Variants in GRAMD2B observed in about 807,000 individuals in gnomAD.
The protein encoded by GRAMD2B is GRAM domain containing 2B.
Under a neutral mutation model 59.2 loss-of-function variants are expected in GRAMD2B, and 41 were observed. That is an observed-to-expected ratio of 0.69 (90% CI 0.54 to 0.90). The LOEUF (loss-of-function observed/expected upper bound fraction) is 0.90. Among genes scored for constraint, GRAMD2B ranks in the 40% least tolerant of loss-of-function variants. GRAMD2B has a pLI of 0.00. For missense variants in GRAMD2B, 424 were observed against 500.5 expected, an observed-to-expected ratio of 0.85 and a Z score of 1.46; for synonymous variants, 161 against 182.7, an observed-to-expected ratio of 0.88 and a Z score of 0.96.
chr5:126,360,864 A>G (rs1754188214), intron 1 of GRAMD2B, among the ~76,000 whole-genome samples: 1 of 152,144 alleles, frequency 6.6e-6, no homozygotes, highest in Non-Finnish European at 1.5e-5. Flanking sequence ...CAGCTCAGGA[A>G]AACTAGGATT....
At position 126,423,449 on chromosome 5, in the gene GRAMD2B, G is replaced by T; in HGVS notation, c.-158G>T. On this transcript the variant is annotated 5_prime_UTR_variant, in exon 1 of 14. Transcript: ENST00000285689. ...GACGTGTCCAGGTCCGCGGCCCCGG[G>T]AGCTTGGCGCGGCCCGGCCTGGATG... 7.0e-7 allele frequency: 1 copy of T among 1,418,760 alleles called. No individual in the cohort carries two copies. The allele number at this position is 1,418,760 out of a possible 1,614,324, so 87.9% of individuals were successfully genotyped here. A position where few individuals can be genotyped will look rare whatever the true frequency, so the allele number is the denominator to read the frequency against.
At chr5:126,474,466 G>T (rs999137965) in intron 5 of GRAMD2B, among the ~76,000 whole-genome samples, 1 of 152,084 alleles carries the variant, frequency 6.6e-6, no homozygotes, top group Admixed American at 6.5e-5. Context: ...AGCATTATTT[G>T]ATCGACAGTA....
At chr5:126,445,469 T>C (rs945479486) in intron 1 of GRAMD2B, 2 of 152,174 alleles carry the variant, frequency 1.3e-5, no homozygotes, top group Non-Finnish European at 2.9e-5. Flanking sequence ...TTTTTTCATA[T>C]GAAAAATCCA....
intron 1 of GRAMD2B, among the ~76,000 whole-genome samples, chr5:126,414,473 T>C (rs990002340): frequency 2.0e-5 from 3 of 152,182 alleles, no homozygotes; most frequent in African/African-American, 7.2e-5. Context: ...TTCTCGTATG[T>C]TGTTGAGGCA....
At chr5:126,419,447 A>G (rs556151635), upstream of GRAMD2B, among the ~76,000 whole-genome samples, 223 of 152,268 alleles carry the variant, frequency 1.5e-3, 1 homozygote, top group Non-Finnish European at 2.4e-3. Flanking sequence ...AGAAACCACC[A>G]CTATGATCCA....
chr5:126,392,958 A>G (rs1166411114), intron 1 of GRAMD2B, among the ~76,000 whole-genome samples: 3 of 152,252 alleles, frequency 2.0e-5, no homozygotes, highest in Non-Finnish European at 4.4e-5. Flanking sequence ...TCTTTCTTAC[A>G]GAACAATAAA....
At chr5:126,409,151 T>C (rs1251078595) in intron 1 of GRAMD2B, among the ~76,000 whole-genome samples, 8 of 152,040 alleles carry the variant, frequency 5.3e-5, no homozygotes, top group Non-Finnish European at 2.9e-5. Flanking sequence ...AATAAACACG[T>C]GTGCATGTGT....
chr5:126,488,655 G>A (rs1773396854), intron 12 of GRAMD2B, 144 bp from the exon 13 acceptor site: 2 of 543,504 alleles, frequency 3.7e-6, no homozygotes, highest in Non-Finnish European at 6.6e-6. Flanking sequence ...GATTACTGCA[G>A]GGCTTTGTCT....
At chr5:126,365,897 A>G (rs1489863186) in intron 1 of GRAMD2B, among the ~76,000 whole-genome samples, 1 of 152,228 alleles carries the variant, frequency 6.6e-6, no homozygotes, top group Non-Finnish European at 1.5e-5. Context: ...TAGAATAGGA[A>G]CTTGGGTTTT....
chr5:126,469,632 C>CA (rs751283018), intron 2 of GRAMD2B, 45 bp from the exon 3 acceptor site: 463 of 1,264,258 alleles, frequency 3.7e-4, no homozygotes, highest in Non-Finnish European at 4.4e-4. Flanking sequence ...AAAACTGTCT[C>CA]AAAAAAAAAT....
Position 126,483,573 on chromosome 5 carries a change from A to G in GRAMD2B, c.846A>G (p.Arg282=). The G allele has an allele frequency of 6.4e-7, 1 of 1,570,862 alleles. No individual in the cohort carries two copies. Among genetic ancestry groups the G allele is most frequent in the South Asian group, 1.1e-5 (1 of 89,778 alleles). Residue 282 remains arginine (R), a splice_region_variant and synonymous_variant, in exon 9 of 14, where the codon CGA becomes CGG. Transcript: ENST00000285689. ...GSQTPESENS[R]DFHATESQTV... is the part of the protein sequence containing the mutation. Reference sequence around the variant, plus strand: ...AAACTCCTGAATCTGAGAACTCTCGAGGTTTGGGAAATTGTTGTATTTTGA... The same window carrying G: ...AAACTCCTGAATCTGAGAACTCTCGGGGTTTGGGAAATTGTTGTATTTTGA...
intron 1 of GRAMD2B, among the ~76,000 whole-genome samples, chr5:126,412,517 T>A (rs1758894280): frequency 6.6e-6 from 1 of 152,172 alleles, no homozygotes; most frequent in Admixed American, 6.6e-5. Flanking sequence ...TTGCTAGTAT[T>A]GTCTTAAAAA....
intron 1 of GRAMD2B, among the ~76,000 whole-genome samples, chr5:126,457,019 C>T (rs966817554): frequency 2.6e-5 from 4 of 151,194 alleles, no homozygotes; most frequent in Non-Finnish European, 5.9e-5. Context: ...GGTGAAACCC[C>T]GTCTCTACTA....
intron 2 of GRAMD2B, among the ~76,000 whole-genome samples, chr5:126,468,549 G>T (rs1167460446): frequency 2.0e-5 from 3 of 151,964 alleles, no homozygotes; most frequent in Non-Finnish European, 2.9e-5. Flanking sequence ...GTGCAATGGT[G>T]CAATATCAGC....
At chr5:126,457,159 T>C (rs1766435230) in intron 1 of GRAMD2B, among the ~76,000 whole-genome samples, 1 of 115,554 alleles carries the variant, frequency 8.7e-6, no homozygotes. Flanking sequence ...GCCACTGCAC[T>C]CCAGCAGAGG....
chr5:126,395,051 T>A (rs1349421733), intron 1 of GRAMD2B, among the ~76,000 whole-genome samples: 2 of 151,500 alleles, frequency 1.3e-5, no homozygotes, highest in Non-Finnish European at 2.9e-5. Context: ...TGTCAGCCTT[T>A]TGCTTTTGGT....
Position 126,388,537 on chromosome 5 carries a change from G to T in GRAMD2B, c.125+16970G>T, listed in dbSNP as rs541227579. ...AGAAGCTATCATTATGCTATGAAAG[G>T]TTTATTCCATTGTGGAATCAATCAT... On this transcript the variant is annotated intron_variant, in intron 1 of 8. Coordinates refer to the GRAMD2B transcript ENST00000506445. 6.6e-5 allele frequency among the ~76,000 whole-genome samples: 10 copies of T among 151,820 alleles called. No individual in the cohort carries two copies. The East Asian group carries it at 1.7e-3, about 26-fold the overall frequency.
intron 2 of GRAMD2B, 82 bp from the exon 3 acceptor site, chr5:126,469,595 G>GGCA: frequency 2.3e-6 from 2 of 873,030 alleles, no homozygotes; most frequent in Non-Finnish European, 3.8e-6. Flanking sequence ...TGATCATGCT[G>GGCA]CTGCACTTCA....
At chr5:126,420,132 A>C (rs962011763), upstream of GRAMD2B, among the ~76,000 whole-genome samples, 2 of 152,012 alleles carry the variant, frequency 1.3e-5, no homozygotes, top group Non-Finnish European at 2.9e-5. Context: ...TTGGATTCCC[A>C]GAGACTTAGA....
Sources: allele counts gnomAD v4.1 joint callset (sites outside exome capture counted in the v4.1 genomes callset), GRCh38; gene constraint gnomAD v4.1.1; transcripts MANE v1.5; gene names NCBI Gene and HGNC (gene_info 2026-07-23, HGNC 2026-07-21).